Variants in CSMD3 observed in about 807,000 individuals in gnomAD.
The protein encoded by CSMD3 is CUB and sushi domain-containing protein 3.
In CSMD3, 177 loss-of-function variants were observed where a neutral mutation model predicts 435.2. That is an observed-to-expected ratio of 0.41 (90% CI 0.36 to 0.46). CSMD3 has a LOEUF of 0.46. CSMD3 is among the 20% of genes least tolerant of loss of function. The pLI, the probability that CSMD3 is intolerant of heterozygous loss-of-function variation, is 0.34. For synonymous variants in CSMD3, 1,656 were observed against 1,520.5 expected (o/e 1.09, Z -2.07); for missense variants, 4,265 against 4,504.6 (o/e 0.95, Z 1.52).
intron 35 of CSMD3, among the ~76,000 whole-genome samples, chr8:112,402,776 A>G (rs1270892780): frequency 1.3e-5 from 2 of 152,192 alleles, no homozygotes; most frequent in African/African-American, 2.4e-5. Flanking sequence ...TCTGTCTTCA[A>G]TTATTAAACT....
chr8:112,299,492 T>C (rs1820699614), intron 53 of CSMD3, among the ~76,000 whole-genome samples: 1 of 152,072 alleles, frequency 6.6e-6, no homozygotes, highest in South Asian at 2.1e-4. Context: ...AATGGATTGA[T>C]GGAGGCCTGG....
At chr8:112,587,356 T>C in intron 22 of CSMD3, 121 bp from the exon 23 acceptor site, 2 of 723,706 alleles carry the variant, frequency 2.8e-6, no homozygotes, top group Admixed American at 4.0e-5. Context: ...AAAAATAATA[T>C]ACAGAATGGC....
rs903031951 is a variant in CSMD3 at position 112,472,638 on chromosome 8, C to T, written c.5348G>A (p.Ser1783Asn). ...VLSPNYPKNY[S>N]VGHNCVYSIA... ...AGAATAAACACAATTATGTCCCACA[C>T]TGTAATTTTTTGGATAGTTTGGTGA... The change falls in exon 32 of 71, where the codon AGT (serine) becomes AAT (asparagine). Residue 1783 changes from serine to asparagine, a missense_variant. By Grantham distance (46) the Ser-to-Asn change is conservative. This residue lies in a region of CSMD3 where 3,255 missense variants were observed against 3,380.2 expected (regional missense o/e 0.96). Transcript: ENST00000297405. The T allele has an allele frequency of 4.3e-6, 7 of 1,611,092 alleles. No individual in the cohort carries two copies. The highest frequency in any genetic ancestry group is 5.1e-6 in the Non-Finnish European group (6 of 1,177,506).
intron 26 of CSMD3, 107 bp downstream of exon 26, chr8:112,552,487 G>T: frequency 8.3e-7 from 1 of 1,207,576 alleles, no homozygotes; most frequent in Non-Finnish European, 1.2e-6. Flanking sequence ...TCTGCCTCAA[G>T]AAAAACAAAC....
chr8:112,440,627 G>A (rs1239942869), intron 32 of CSMD3, among the ~76,000 whole-genome samples: 4 of 152,020 alleles, frequency 2.6e-5, no homozygotes, highest in South Asian at 4.1e-4. Flanking sequence ...TCTGCCAGAC[G>A]ATCAGGTGTT....
chr8:112,572,799 A>C (rs1171484530), intron 24 of CSMD3, among the ~76,000 whole-genome samples: 1 of 152,090 alleles, frequency 6.6e-6, no homozygotes, highest in East Asian at 1.9e-4. Flanking sequence ...AACGGAGTAG[A>C]AAATCAAGAA....
intron 10 of CSMD3, among the ~76,000 whole-genome samples, chr8:112,860,339 TTTAA>T (rs1363859951): frequency 1.3e-5 from 2 of 151,836 alleles, no homozygotes; most frequent in African/African-American, 4.8e-5. Flanking sequence ...TTACAGTACT[TTTAA>T]TTATCTTGTG....
Position 113,275,251 on chromosome 8 carries a change from A to T in CSMD3, c.514+3341T>A, listed in dbSNP as rs555291203. 2.4e-3 allele frequency among the ~76,000 whole-genome samples: 360 copies of T among 152,246 alleles called. 2 individuals are homozygous for T. The highest frequency in any genetic ancestry group is 8.3e-3 in the African/African-American group (346 of 41,558). On this transcript the variant is annotated intron_variant, in intron 3 of 70. Coordinates refer to ENST00000297405, the MANE Select transcript of CSMD3 (RefSeq NM_198123.2). Reference sequence around the variant, plus strand: ...TTTAGATACATTAAGTATCTTCTCCAGAATAATTCTCTTTGCAGTATACCA... The same window carrying T: ...TTTAGATACATTAAGTATCTTCTCCTGAATAATTCTCTTTGCAGTATACCA...
chr8:112,996,425 G>A (rs2085656256), intron 6 of CSMD3, among the ~76,000 whole-genome samples: 1 of 151,536 alleles, frequency 6.6e-6, no homozygotes, highest in Admixed American at 6.6e-5. Context: ...GTTAAGAAAG[G>A]GAATTTTGAA....
intron 27 of CSMD3, among the ~76,000 whole-genome samples, chr8:112,536,185 A>T (rs1216489251): frequency 6.6e-6 from 1 of 151,420 alleles, no homozygotes; most frequent in Non-Finnish European, 1.5e-5. Flanking sequence ...ATCTAATTAA[A>T]CTAAAGAGCT....
At chr8:113,034,122 T>C (rs2087239862) in intron 5 of CSMD3, among the ~76,000 whole-genome samples, 1 of 151,624 alleles carries the variant, frequency 6.6e-6, no homozygotes, top group Non-Finnish European at 1.5e-5. Context: ...CCAGTCTCAT[T>C]AGTATCTTCT....
At chr8:113,161,586 T>G (rs1332597258) in intron 4 of CSMD3, among the ~76,000 whole-genome samples, 1 of 152,112 alleles carries the variant, frequency 6.6e-6, no homozygotes, top group Non-Finnish European at 1.5e-5. Context: ...TCTGCCAAAA[T>G]GGAGAACAAA....
In CSMD3 at chr8:113,415,205, G is replaced by A. The variant is rs547613153; in HGVS notation, c.178+21472C>T. Among the ~76,000 whole-genome samples the A allele has an allele frequency of 5.3e-5, 8 of 152,240 alleles. No homozygotes were observed. The South Asian group carries it at 1.7e-3, about 32-fold the overall frequency. Reference sequence around the variant, plus strand: ...GTAGAAATAAAATGTTACCCTCAGTGTTCATTGAGTTTCAAATGTCTTAAG... The same window carrying A: ...GTAGAAATAAAATGTTACCCTCAGTATTCATTGAGTTTCAAATGTCTTAAG... On this transcript the variant is annotated intron_variant, in intron 1 of 70. Transcript: ENST00000297405.
chr8:112,333,465 C>T (rs867575327), intron 45 of CSMD3, among the ~76,000 whole-genome samples: 21 of 152,144 alleles, frequency 1.4e-4, no homozygotes, highest in Non-Finnish European at 2.8e-4. Flanking sequence ...CTGCGCCTGG[C>T]CTTGATCTGC....
chr8:112,668,964 C>T (rs1480472227), intron 16 of CSMD3, among the ~76,000 whole-genome samples: 1 of 149,780 alleles, frequency 6.7e-6, no homozygotes, highest in Non-Finnish European at 1.5e-5. Context: ...AACAAAACAG[C>T]TGAAGAAAAA....
At chr8:112,524,888 T>C (rs1326060097) in intron 27 of CSMD3, among the ~76,000 whole-genome samples, 1 of 152,064 alleles carries the variant, frequency 6.6e-6, no homozygotes, top group Admixed American at 6.5e-5. Flanking sequence ...CACATGTTCA[T>C]TCTTTAATTG....
rs1823763199 is a variant in CSMD3, at chr8:112,517,190, G to A, written c.4600C>T (p.Pro1534Ser). ...VATACRDPGV[P>S]MNGTRNGDGR... is the part of the protein sequence containing the mutation. ...TCCCCATTTCGAGTCCCATTCATGG[G>A]GACCCCTGGGTCACGACACGCAGTG... The change falls in exon 28 of 71, where the codon CCC (proline) becomes TCC (serine). Residue 1534 changes from proline to serine, a missense_variant. This residue lies in a region of CSMD3 where 3,255 missense variants were observed against 3,380.2 expected (regional missense o/e 0.96). Transcript: ENST00000297405. The A allele has an allele frequency of 1.4e-5, 23 of 1,613,562 alleles. No homozygotes were observed. The highest frequency in any genetic ancestry group is 1.9e-5 in the Non-Finnish European group (23 of 1,179,852).
chr8:112,651,164 A>G (rs1238935029), intron 18 of CSMD3, among the ~76,000 whole-genome samples: 1 of 152,234 alleles, frequency 6.6e-6, no homozygotes, highest in Non-Finnish European at 1.5e-5. Flanking sequence ...AACTATAACA[A>G]GTAATTATTT....
At chr8:112,319,084 T>TGTCTTCC in intron 46 of CSMD3, 134 bp from the exon 47 acceptor site, 1 of 679,040 alleles carries the variant, frequency 1.5e-6, no homozygotes, top group South Asian at 1.6e-5. Flanking sequence ...TAGGTATAAG[T>TGTCTTCC]AGGAGTTATA....
Sources: allele counts gnomAD v4.1 joint callset (sites outside exome capture counted in the v4.1 genomes callset), GRCh38; gene constraint gnomAD v4.1.1; regional missense constraint gnomAD v4.1.1; transcripts MANE v1.5; gene names NCBI Gene and HGNC (gene_info 2026-07-23, HGNC 2026-07-21).